Variants in ZNF226 observed in about 807,000 individuals in gnomAD.
ZNF226 encodes zinc finger protein 226.
Under a neutral mutation model 11.4 loss-of-function variants are expected in ZNF226, and 6 were observed. The ratio of observed to expected loss-of-function variants is 0.53; its 90% CI spans 0.29 to 1.04. The LOEUF (loss-of-function observed/expected upper bound fraction) is 1.04. Ranked by LOEUF, ZNF226 falls within the 50% of genes least tolerant of loss-of-function variation. The probability of loss-of-function intolerance (pLI) is 0.08; values close to 1 mark genes in which losing one functional copy is unlikely to be tolerated. For missense variants in ZNF226, 1,058 were observed against 956.5 expected (o/e 1.11, Z -1.40); for synonymous variants, 350 against 322.8 (o/e 1.08, Z -0.90).
At chr19:44,184,224 A>T in the ZNF226 span, among the ~76,000 whole-genome samples, 35 of 152,342 alleles carry the variant, frequency 2.3e-4, no homozygotes, top group Non-Finnish European at 3.2e-4. Context: ...AAGCAATTAC[A>T]ATAGACATTT....
At chr19:44,194,757 CATACATATATAG>C in the ZNF226 span, among the ~76,000 whole-genome samples, 600 of 152,282 alleles carry the variant, frequency 3.9e-3, 5 homozygotes, top group African/African-American at 0.014. Flanking sequence ...GAAAATATTA[CATACATATATAG>C]ACACAAGAAC....
In ZNF226 at chr19:44,177,196, G is replaced by A. The variant is rs781766418; in HGVS notation, c.1934G>A (p.Cys645Tyr). ...CACAGTGGAGAAAAACCATTCAAATGTGAAGAATGTGGGAAGAGTTTCGGT... is the reference window on the plus strand; with the variant it reads ...CACAGTGGAGAAAAACCATTCAAATATGAAGAATGTGGGAAGAGTTTCGGT... ...RVHSGEKPFK[C>Y]EECGKSFGRS... The change falls in exon 6 of 6, where the codon TGT becomes TAT. Residue 645 changes from cysteine to tyrosine, a missense_variant. Transcript: ENST00000337433. The A allele has an allele frequency of 6.2e-7, 1 of 1,613,992 alleles. No individual in the cohort carries two copies. Among genetic ancestry groups the A allele is most frequent in the South Asian group, 1.1e-5 (1 of 91,060 alleles).
At chr19:44,166,329 C>T (rs1189339715) in intron 2 of ZNF226, among the ~76,000 whole-genome samples, 1 of 152,126 alleles carries the variant, frequency 6.6e-6, no homozygotes, top group Non-Finnish European at 1.5e-5. Context: ...GGCGAAACCC[C>T]ATCTCTACTA....
chr19:44,172,552 G>A (rs1970225870), intron 4 of ZNF226: 2 of 439,962 alleles, frequency 4.5e-6, no homozygotes, highest in Non-Finnish European at 4.0e-6. Flanking sequence ...AACTCCTTAG[G>A]AAGAATGGCA....
At chr19:44,182,557 G>T (rs992189078), downstream of ZNF226, among the ~76,000 whole-genome samples, 4 of 152,206 alleles carry the variant, frequency 2.6e-5, no homozygotes, top group Admixed American at 2.6e-4. Flanking sequence ...ACTCTGGGAA[G>T]ATTCGGAAGA....
rs779573757 is a variant in ZNF226, at chr19:44,176,108, T to C, written c.846T>C (p.Cys282=). The change falls in exon 6 of 6, where the codon TGT becomes TGC. Residue 282 remains cysteine (C), a synonymous_variant. Coordinates refer to ENST00000337433, the MANE Select transcript of ZNF226 (RefSeq NM_001032373.2). The part of the protein sequence containing the change: ...QLQSGEKSLT[C]VERGKGFCYS... ...AATCAGGAGAGAAGTCTCTTACATG[T>C]GTTGAGCGTGGAAAAGGCTTCTGTT... The C allele has an allele frequency of 1.1e-5, 18 of 1,614,022 alleles. No homozygotes were observed. The East Asian group carries it at 3.3e-4, about 30-fold the overall frequency.
Position 44,177,653 on chromosome 19 carries a change from G to A in ZNF226, c.2391G>A (p.Gln797=), listed in dbSNP as rs1299321419. 6.3e-7 allele frequency: 1 copy of A among 1,581,816 alleles called. No individual in the cohort carries two copies. The change falls in exon 6 of 6, where the codon CAG becomes CAA. Residue 797 remains glutamine (Q), a synonymous_variant. Coordinates refer to ENST00000337433, the MANE Select transcript of ZNF226 (RefSeq NM_001032373.2). ...GTAAGAACATCAGAGAATCCACACA[G>A]GAAAAAAAATCTATAAAATGATTCT... is the stretch of plus-strand genomic sequence containing the variant. ...RGGKNIREST[Q]EKKSIK
At chr19:44,181,473 C>T (rs1318519262), downstream of ZNF226, among the ~76,000 whole-genome samples, 1 of 151,924 alleles carries the variant, frequency 6.6e-6, no homozygotes, top group African/African-American at 2.4e-5. Flanking sequence ...TAGCTTTTAG[C>T]TTGGCTGCAT....
At chr19:44,184,580 A>T in the ZNF226 span, among the ~76,000 whole-genome samples, 1 of 43,766 alleles carries the variant, frequency 2.3e-5, no homozygotes, top group Admixed American at 2.8e-4. Flanking sequence ...AGACTCCATT[A>T]AAAAAAAAAA....
chr19:44,172,514 T>C (rs2122396332), intron 4 of ZNF226: 2 of 396,890 alleles, frequency 5.0e-6, no homozygotes, highest in Non-Finnish European at 4.5e-6. Flanking sequence ...CAGATTTTAA[T>C]GAAATAAAAT....
At chr19:44,190,042 T>C in the ZNF226 span, among the ~76,000 whole-genome samples, 1 of 152,192 alleles carries the variant, frequency 6.6e-6, no homozygotes, top group African/African-American at 2.4e-5. Flanking sequence ...TGGTCTACAG[T>C]AGATAATAAA....
At chr19:44,193,217 A>T in the ZNF226 span, among the ~76,000 whole-genome samples, 1 of 152,058 alleles carries the variant, frequency 6.6e-6, no homozygotes, top group African/African-American at 2.4e-5. Context: ...CAGTTTCATA[A>T]AGTTCTTTTA....
In ZNF226 at chr19:44,172,207, G is replaced by C. The variant is rs746608271; in HGVS notation, c.135G>C (p.Leu45=). ...TGGTGGAGAACTTTAGGAACCTGCTGTCAGTGGGTGAGGACAGCCTCCCTC... is the reference window on the plus strand; with the variant it reads ...TGGTGGAGAACTTTAGGAACCTGCTCTCAGTGGGTGAGGACAGCCTCCCTC... ...DVMVENFRNL[L]SVGHPPFKQD... is the part of the protein sequence containing the mutation. Residue 45 remains leucine, a synonymous_variant, in exon 4 of 6, where the codon CTG becomes CTC. Transcript: ENST00000337433. 6.2e-7 allele frequency: 1 copy of C among 1,611,362 alleles called. No individual in the cohort carries two copies.
downstream of ZNF226, chr19:44,178,241 C>T (rs929148387): frequency 1.3e-5 from 2 of 153,242 alleles, no homozygotes; most frequent in African/African-American, 2.4e-5. Flanking sequence ...TCCTATCTTC[C>T]CAGATGTCTA....
Position 44,170,040 on chromosome 19 carries a change from C to T in ZNF226, c.-41C>T, listed in dbSNP as rs1969897514. 2.5e-6 allele frequency: 4 copies of T among 1,583,132 alleles called. No individual in the cohort carries two copies. Among genetic ancestry groups the T allele is most frequent in the Non-Finnish European group, 3.4e-6 (4 of 1,164,248 alleles). ...ATTTCTCTCTTCTTTCCTAGTTCAG[C>T]TTCTTAGGACTCTGCACTTCCCCAG... On this transcript the variant is annotated 5_prime_UTR_variant, in exon 3 of 6. Coordinates refer to ENST00000337433, the MANE Select transcript of ZNF226 (RefSeq NM_001032373.2).
chr19:44,177,024 A>G lies in ZNF226; in HGVS notation c.1762A>G (p.Lys588Glu), dbSNP rs759377322. 8 of 1,613,988 alleles carry G rather than the reference A, an allele frequency of 5.0e-6. No individual in the cohort carries two copies. In the Admixed American group the frequency reaches 1.2e-4, roughly 24 times the overall value. ...QLIHTGEKPY[K>E]CEECGKGFSR... ...GATCCATACGGGTGAGAAACCATAC[A>G]AATGTGAAGAGTGTGGCAAGGGATT... is the stretch of plus-strand genomic sequence containing the variant. Residue 588 changes from lysine to glutamate, a missense_variant, in exon 6 of 6, where the codon AAA becomes GAA. Coordinates refer to ENST00000337433, the MANE Select transcript of ZNF226 (RefSeq NM_001032373.2).
At chr19:44,182,940 G>T (rs569530333), downstream of ZNF226, among the ~76,000 whole-genome samples, 2 of 152,196 alleles carry the variant, frequency 1.3e-5, no homozygotes, top group African/African-American at 2.4e-5. Flanking sequence ...ATCAACATGA[G>T]AGAGAATTGT....
chr19:44,181,291 G>A (rs7248114), downstream of ZNF226, among the ~76,000 whole-genome samples: 92,862 of 151,996 alleles, frequency 0.61, 28,781 homozygotes, highest in African/African-American at 0.71. Context: ...CTGAGATGGA[G>A]GGATCACTTG....
At chr19:44,172,804 A>G (rs1265613939) in intron 4 of ZNF226, 56 bp from the exon 5 acceptor site, 5 of 1,414,818 alleles carry the variant, frequency 3.5e-6, no homozygotes, top group Non-Finnish European at 4.8e-6. Flanking sequence ...TCAGATTTCC[A>G]GTGTATTTTA....
Sources: allele counts gnomAD v4.1 joint callset (sites outside exome capture counted in the v4.1 genomes callset), GRCh38; gene constraint gnomAD v4.1.1; transcripts MANE v1.5; gene names NCBI Gene and HGNC (gene_info 2026-07-23, HGNC 2026-07-21).